Variants in CYB5R4 observed in about 807,000 individuals in gnomAD.
The protein encoded by CYB5R4 is cytochrome b5 reductase 4.
CYB5R4 carries 55 observed loss-of-function variants against 70.2 expected under a neutral mutation model. The ratio of observed to expected loss-of-function variants is 0.78; its 90% CI spans 0.63 to 0.98. CYB5R4 has a LOEUF of 0.98. Ranked by LOEUF, CYB5R4 falls within the 50% of genes least tolerant of loss-of-function variation. CYB5R4 has a pLI of 0.00. For missense variants in CYB5R4, 562 were observed against 612.6 expected, an observed-to-expected ratio of 0.92 and a Z score of 0.87; for synonymous variants, 197 against 199.5, an observed-to-expected ratio of 0.99 and a Z score of 0.11.
chr6:83,900,651 C>G (rs912769274), intron 3 of CYB5R4, among the ~76,000 whole-genome samples: 1 of 152,126 alleles, frequency 6.6e-6, no homozygotes, highest in Non-Finnish European at 1.5e-5. Flanking sequence ...CTGGGTGCTC[C>G]TGTATTGGGT....
chr6:83,898,010 G>T (rs1255517867), intron 3 of CYB5R4, among the ~76,000 whole-genome samples: 2 of 152,068 alleles, frequency 1.3e-5, no homozygotes, highest in Non-Finnish European at 2.9e-5. Flanking sequence ...TTCTTGTAGG[G>T]TTTTTATGGT....
At chr6:83,934,817 C>T in intron 11 of CYB5R4, 82 bp downstream of exon 11, 1 of 1,257,326 alleles carries the variant, frequency 8.0e-7, no homozygotes, top group Non-Finnish European at 1.1e-6. Context: ...TAGAAAACAA[C>T]CATTTAAGTT....
intron 9 of CYB5R4, among the ~76,000 whole-genome samples, chr6:83,924,002 G>A (rs1410254462): frequency 3.4e-5 from 5 of 147,320 alleles, no homozygotes; most frequent in Admixed American, 6.8e-5. Context: ...CCCGGGAGGC[G>A]GAGCTTGCAG....
intron 10 of CYB5R4, among the ~76,000 whole-genome samples, chr6:83,926,779 G>A (rs962242492): frequency 1.1e-4 from 16 of 152,292 alleles, no homozygotes; most frequent in South Asian, 1.0e-3. Flanking sequence ...CAGTCATGTG[G>A]CTGTGCTAAG....
chr6:83,961,340 G>A lies in CYB5R4; in HGVS notation c.*1462G>A, dbSNP rs2099473306. 6.6e-6 allele frequency: 1 copy of A among 151,930 alleles called. No homozygotes were observed. The allele number at this position is 151,930 out of a possible 1,614,324, so 9.4% of individuals were successfully genotyped here. On this transcript the variant is annotated 3_prime_UTR_variant, in exon 16 of 16. Coordinates refer to ENST00000369681, the MANE Select transcript of CYB5R4 (RefSeq NM_016230.4). ...TACTTATTTTTTTCCATCTAAGGGT[G>A]AGGTGATTTGGCTCTGTGTCCTCAC...
At chr6:83,946,507 G>A (rs932608846) in intron 14 of CYB5R4, among the ~76,000 whole-genome samples, 1 of 152,126 alleles carries the variant, frequency 6.6e-6, no homozygotes, top group African/African-American at 2.4e-5. Flanking sequence ...TTGAAAACTG[G>A]CACAAGACAA....
In CYB5R4 at chr6:83,940,545, A is replaced by G; in HGVS notation, c.1290A>G (p.Thr430=). ...RKVKLMFFNK[T]EDDIIWRSQL... is the part of the protein sequence containing the mutation. ...TGAAGCTGATGTTCTTCAATAAAAC[A>G]GAAGATGATATAATTTGGAGAAGCC... Residue 430 remains threonine, a synonymous_variant, in exon 14 of 16, where the codon ACA becomes ACG. Transcript: ENST00000369681. 1 of 1,596,422 alleles carries G rather than the reference A, an allele frequency of 6.3e-7. No individual in the cohort carries two copies. The highest frequency in any genetic ancestry group is 8.5e-7 in the Non-Finnish European group (1 of 1,175,128).
intron 14 of CYB5R4, among the ~76,000 whole-genome samples, chr6:83,952,145 G>A (rs963526128): frequency 2.6e-5 from 4 of 152,128 alleles, no homozygotes; most frequent in African/African-American, 9.7e-5. Context: ...ATTCTAAGCA[G>A]CATGGAAATG....
intron 14 of CYB5R4, among the ~76,000 whole-genome samples, chr6:83,944,837 A>G (rs1193141622): frequency 6.6e-6 from 1 of 152,230 alleles, no homozygotes; most frequent in African/African-American, 2.4e-5. Context: ...AAAAAAGACA[A>G]GGGCATTACA....
intron 3 of CYB5R4, among the ~76,000 whole-genome samples, chr6:83,906,033 G>T (rs1264957026): frequency 6.6e-6 from 1 of 152,258 alleles, no homozygotes; most frequent in Admixed American, 6.5e-5. Context: ...ATAGGCAGAG[G>T]GGGGTGAGGC....
intron 2 of CYB5R4, among the ~76,000 whole-genome samples, chr6:83,872,931 G>A (rs760765700): frequency 1.3e-5 from 2 of 152,162 alleles, no homozygotes; most frequent in African/African-American, 4.8e-5. Flanking sequence ...GATGCTAGGG[G>A]AAAACATTAA....
chr6:83,920,998 C>T (rs759681578), intron 7 of CYB5R4, 84 bp from the exon 8 acceptor site: 14 of 1,022,868 alleles, frequency 1.4e-5, no homozygotes, highest in African/African-American at 1.0e-4. Flanking sequence ...TATGAAGTAC[C>T]GCAGATCACC....
chr6:83,897,352 A>G (rs933656601), intron 3 of CYB5R4, among the ~76,000 whole-genome samples: 2 of 152,232 alleles, frequency 1.3e-5, no homozygotes, highest in African/African-American at 4.8e-5. Flanking sequence ...GTGCCACAAT[A>G]AACATACATG....
At chr6:83,874,163 C>T (rs1444488592) in intron 2 of CYB5R4, among the ~76,000 whole-genome samples, 5 of 78,486 alleles carry the variant, frequency 6.4e-5, no homozygotes, top group African/African-American at 2.5e-4. Flanking sequence ...CCCTTCCCCT[C>T]CCCTCCCCTC....
chr6:83,882,564 A>T (rs2099459620), intron 2 of CYB5R4, among the ~76,000 whole-genome samples: 1 of 152,160 alleles, frequency 6.6e-6, no homozygotes, highest in African/African-American at 2.4e-5. Context: ...ATATAATCCA[A>T]AGTTACTAGA....
chr6:83,946,786 G>A (rs540940210), intron 14 of CYB5R4, among the ~76,000 whole-genome samples: 10 of 151,274 alleles, frequency 6.6e-5, no homozygotes, highest in African/African-American at 1.5e-4. Context: ...AATAGAGAGC[G>A]AAATCATGAG....
chr6:83,948,203 G>A (rs1028868328), intron 14 of CYB5R4, among the ~76,000 whole-genome samples: 1 of 152,178 alleles, frequency 6.6e-6, no homozygotes, highest in Admixed American at 6.5e-5. Flanking sequence ...AAAAGGATGA[G>A]TTCATGTCCT....
chr6:83,944,523 T>G (rs1158418274), intron 14 of CYB5R4, among the ~76,000 whole-genome samples: 4 of 152,076 alleles, frequency 2.6e-5, no homozygotes, highest in African/African-American at 9.7e-5. Context: ...AGAAAATGCA[T>G]CAACTAATAG....
At chr6:83,952,202 G>A (rs2099471664) in intron 14 of CYB5R4, among the ~76,000 whole-genome samples, 1 of 152,116 alleles carries the variant, frequency 6.6e-6, no homozygotes, top group Non-Finnish European at 1.5e-5. Context: ...TGCACCAATA[G>A]AAGATAGAAG....
Sources: gnomAD v4.1 joint callset for allele counts (sites outside exome capture counted in the v4.1 genomes callset) on GRCh38, gnomAD v4.1.1 for gene constraint, MANE v1.5 for transcripts, NCBI Gene and HGNC (gene_info 2026-07-23, HGNC 2026-07-21) for gene names.